Variants in SVIL observed in about 807,000 individuals in gnomAD.
SVIL encodes the protein archvillin.
A neutral mutation model predicts 240.4 loss-of-function variants in SVIL; 101 were observed. The observed-to-expected ratio is 0.42, with a 90% confidence interval of 0.36 to 0.50. SVIL has a LOEUF of 0.50. Ranked by LOEUF, SVIL falls within the 20% of genes least tolerant of loss-of-function variation. SVIL has a pLI of 0.01. For synonymous variants in SVIL, 999 were observed against 1,100.0 expected (o/e 0.91, Z 1.82); for missense variants, 2,512 against 2,818.7 (o/e 0.89, Z 2.46).
At chr10:29,534,997 A>G (rs139289477) in intron 7 of SVIL, among the ~76,000 whole-genome samples, 2,678 of 152,258 alleles carry the variant, frequency 0.018, 33 homozygotes, top group Middle Eastern at 0.027. Flanking sequence ...CGGGGAGAGG[A>G]ATTTAGACTG....
intron 31 of SVIL, among the ~76,000 whole-genome samples, chr10:29,470,921 G>T (rs1340216048): frequency 6.6e-6 from 1 of 152,124 alleles, no homozygotes. Flanking sequence ...CCACCTTCCA[G>T]CCTCCTGCGT....
chr10:29,648,341 G>A (rs1158475083), intron 3 of SVIL, among the ~76,000 whole-genome samples: 3 of 152,174 alleles, frequency 2.0e-5, no homozygotes, highest in African/African-American at 7.2e-5. Flanking sequence ...CACATTAGAG[G>A]CCTGGCTGCA....
At chr10:29,711,958 T>C (rs537104493) in intron 1 of SVIL, 1 of 148,800 alleles carries the variant, frequency 6.7e-6, no homozygotes, top group Non-Finnish European at 1.5e-5. Context: ...AAGATCAGCA[T>C]GGCCCCTGCG....
At position 29,584,994 on chromosome 10, in the gene SVIL, G is replaced by A. The variant is rs79991877; in HGVS notation, c.-200-15682C>T. On this transcript the variant is annotated intron_variant, in intron 1 of 37. Transcript: ENST00000355867. ...ACAGCTCACTGAAGCCTCGACTTCG[G>A]GTTTGAGCAGTCCTCTCCCACCTCA... is the stretch of plus-strand genomic sequence containing the variant. 8.4e-3 allele frequency among the ~76,000 whole-genome samples: 1,278 copies of A among 152,260 alleles called. 15 individuals carry two copies. Among genetic ancestry groups the A allele is most frequent in the African/African-American group, 0.029 (1,220 of 41,570 alleles).
chr10:29,653,113 A>T (rs769869521), intron 3 of SVIL, among the ~76,000 whole-genome samples: 12 of 151,788 alleles, frequency 7.9e-5, no homozygotes, highest in Non-Finnish European at 1.5e-4. Context: ...TACAGGCATG[A>T]GTCCCTGTGC....
chr10:29,704,728 C>T (rs1282268884), intron 1 of SVIL, among the ~76,000 whole-genome samples: 1 of 152,148 alleles, frequency 6.6e-6, no homozygotes, highest in African/African-American at 2.4e-5. Flanking sequence ...CTACACTTGA[C>T]CCCTCCTTGG....
chr10:29,636,443 A>C (rs553979563), upstream of SVIL, among the ~76,000 whole-genome samples: 23 of 152,308 alleles, frequency 1.5e-4, no homozygotes, highest in African/African-American at 5.5e-4. Context: ...CACAAAATAA[A>C]CATCAGTCTT....
At chr10:29,642,417 G>GAGAAAGAAAGAA (rs71020802) in intron 3 of SVIL, among the ~76,000 whole-genome samples, 41 of 123,562 alleles carry the variant, frequency 3.3e-4, no homozygotes, top group Non-Finnish European at 3.8e-4. Context: ...GAGAGAGAGT[G>GAGAAAGAAAGAA]AGAAAGAAAG....
intron 1 of SVIL, among the ~76,000 whole-genome samples, chr10:29,719,692 G>A (rs1441726236): frequency 6.6e-6 from 1 of 152,182 alleles, no homozygotes; most frequent in East Asian, 1.9e-4. Flanking sequence ...CAGTAGACTG[G>A]ATAGGATTAA....
chr10:29,480,602 CTTTG>C lies in SVIL; in HGVS notation c.5308_5311del (p.Gln1770AlafsTer19). On this transcript the variant is annotated frameshift_variant, in exon 29 of 38. Transcript: ENST00000355867. LOFTEE classifies it high-confidence loss of function. ...ATCCCCCTCATGGAACTGCCCGATG[CTTTG>C]TTTGGGGAGCCTGCTATAGTCGAAT... is the stretch of plus-strand genomic sequence containing the variant. 2 of 1,614,178 alleles carry C rather than the reference CTTTG, an allele frequency of 1.2e-6. No homozygotes were observed. Among genetic ancestry groups the C allele is most frequent in the Non-Finnish European group, 1.7e-6 (2 of 1,180,040 alleles).
Position 29,481,575 on chromosome 10 carries a change from C to T in SVIL, c.5100+9G>A, listed in dbSNP as rs763927051. ...AGCCCCGAGTTTTGAGGCTTGGTCG[C>T]CGGAATACCTTGTGCTGGGCAAGTT... is the stretch of plus-strand genomic sequence containing the variant. On this transcript the variant is annotated intron_variant, in intron 28 of 37. Coordinates refer to ENST00000355867, the MANE Select transcript of SVIL (RefSeq NM_021738.3). The T allele has an allele frequency of 6.2e-7, 1 of 1,613,374 alleles. No individual in the cohort carries two copies.
chr10:29,711,936 T>C (rs867485922), intron 1 of SVIL: 3 of 146,688 alleles, frequency 2.0e-5, no homozygotes, highest in Admixed American at 6.8e-5. Context: ...TGGAATGATA[T>C]ACTAAAATTG....
chr10:29,522,458 C>T lies in SVIL; in HGVS notation c.3341G>A (p.Gly1114Glu), dbSNP rs1950620417. ...GCTGGGTGAGTCAAGAAGGCCCTCC[C>T]CTGTCGGCGTTTTGATCTCTCCAGC... Reference protein sequence around the residue: ...FAAGEIKTPTGEGLLDSPSKT... With the variant: ...FAAGEIKTPTEEGLLDSPSKT... The change falls in exon 16 of 38, where the codon GGG becomes GAG. Residue 1114 changes from glycine to glutamate, a missense_variant. Gly to Glu is a moderately conservative substitution (Grantham distance 98, BLOSUM62 -2). Around this residue, in one of 3 missense-constraint regions of SVIL, gnomAD observed 1,443 missense variants for 1,486.6 expected, o/e 0.97. Transcript: ENST00000355867. The T allele has an allele frequency of 1.2e-6, 2 of 1,614,188 alleles. No individual in the cohort carries two copies. Among genetic ancestry groups the T allele is most frequent in the Non-Finnish European group, 1.7e-6 (2 of 1,180,040 alleles).
Position 29,523,952 on chromosome 10 carries a change from G to C in SVIL, c.2662C>G (p.Pro888Ala), listed in dbSNP as rs1219019962. Residue 888 changes from proline to alanine, a missense_variant, in exon 15 of 38, where the codon CCA (proline) becomes GCA (alanine). By Grantham distance (27) the Pro-to-Ala change is conservative. This residue lies in a region of SVIL where 1,443 missense variants were observed against 1,486.6 expected (regional missense o/e 0.97). Transcript: ENST00000355867. ...SVSTVASTVA[P>A]MYAGDLRTKP... is the part of the protein sequence containing the mutation. ...GTGCGAAGATCTCCGGCATACATTG[G>C]AGCAACCGTGGATGCTACGGTAGAC... The C allele has an allele frequency of 6.2e-7, 1 of 1,614,138 alleles. No homozygotes were observed. Among genetic ancestry groups the C allele is most frequent in the East Asian group, 2.2e-5 (1 of 44,884 alleles).
intron 2 of SVIL, among the ~76,000 whole-genome samples, chr10:29,662,971 G>T (rs1185574274): frequency 6.6e-6 from 1 of 152,136 alleles, no homozygotes; most frequent in Non-Finnish European, 1.5e-5. Flanking sequence ...AAATTAACTG[G>T]GTGTGGTGGC....
chr10:29,470,568 T>G, intron 31 of SVIL, 85 bp from the exon 32 acceptor site: 1 of 1,504,944 alleles, frequency 6.6e-7, no homozygotes, highest in Non-Finnish European at 9.0e-7. Context: ...CGCTGTGTCG[T>G]CCAAGGCAGC....
chr10:29,466,929 G>T (rs1248199427), intron 33 of SVIL, among the ~76,000 whole-genome samples: 1 of 152,174 alleles, frequency 6.6e-6, no homozygotes, highest in South Asian at 2.1e-4. Context: ...TTGAGGGGCA[G>T]AGTATTATGG....
chr10:29,641,349 T>A (rs939701686), intron 3 of SVIL, among the ~76,000 whole-genome samples: 8 of 151,998 alleles, frequency 5.3e-5, no homozygotes, highest in African/African-American at 1.9e-4. Context: ...GGTGGGAGGA[T>A]CACCTGAGGT....
chr10:29,621,035 C>T (rs1417323816), intron 1 of SVIL, among the ~76,000 whole-genome samples: 4 of 150,754 alleles, frequency 2.7e-5, no homozygotes, highest in African/African-American at 4.9e-5. Context: ...AACTCTTGGC[C>T]TCAAGCAATT....
Sources: allele counts gnomAD v4.1 joint callset (sites outside exome capture counted in the v4.1 genomes callset), GRCh38; gene constraint gnomAD v4.1.1; regional missense constraint gnomAD v4.1.1; transcripts MANE v1.5; gene names NCBI Gene and HGNC (gene_info 2026-07-23, HGNC 2026-07-21).